Variants in PLEKHG1 observed in about 807,000 individuals in gnomAD.
PLEKHG1 encodes pleckstrin homology and RhoGEF domain containing G1, also known as pleckstrin homology domain-containing family G member 1.
A neutral mutation model predicts 100.8 loss-of-function variants in PLEKHG1; 44 were observed. That is an observed-to-expected ratio of 0.44 (90% CI 0.34 to 0.56). PLEKHG1 has a LOEUF of 0.56. Ranked by LOEUF, PLEKHG1 falls within the 20% of genes least tolerant of loss-of-function variation. The pLI is 0.01. For missense variants in PLEKHG1, 1,545 were observed against 1,720.9 expected (o/e 0.90, Z 1.81); for synonymous variants, 640 against 662.5 (o/e 0.97, Z 0.52).
chr6:150,740,389 C>G (rs1194812661), intron 2 of PLEKHG1, among the ~76,000 whole-genome samples: 2 of 152,174 alleles, frequency 1.3e-5, no homozygotes, highest in African/African-American at 2.4e-5. Context: ...GCCTTACCTG[C>G]TTAGGATGCT....
chr6:150,721,284 G>A (rs1399863645), intron 1 of PLEKHG1: 12 of 513,066 alleles, frequency 2.3e-5, no homozygotes, highest in Admixed American at 6.4e-5. Context: ...GAGGTCCACC[G>A]AGGTGAGAAG....
At chr6:150,670,326 T>C (rs147691650) in intron 3 of PLEKHG1, among the ~76,000 whole-genome samples, 162 of 152,374 alleles carry the variant, frequency 1.1e-3, no homozygotes, top group African/African-American at 3.8e-3. Flanking sequence ...ATATGTTCTA[T>C]TTTGTTCATA....
In PLEKHG1 at chr6:150,600,207, G is replaced by T. The variant is rs111711264; in HGVS notation, c.-204+190G>T. Among the ~76,000 whole-genome samples the T allele has an allele frequency of 1.3e-5, 2 of 151,220 alleles. No individual in the cohort carries two copies. Among genetic ancestry groups the T allele is most frequent in the South Asian group, 4.2e-4 (2 of 4,798 alleles). On this transcript the variant is annotated intron_variant, in intron 1 of 3. Transcript: ENST00000367326. This position sits in a 1 kb window ranked among gnomAD's most constrained non-coding sequence, Gnocchi z 6.2. ...GCCTTGGGGGGCGCCGAGCGGTGGG[G>T]ACAGAGGGCGCCGGGGGCACCGCGC... is the stretch of plus-strand genomic sequence containing the variant.
Position 150,733,565 on chromosome 6 carries a change from TTTTC to T in PLEKHG1, c.-98-15_-98-12del, listed in dbSNP as rs1209653002. On this transcript the variant is annotated splice_polypyrimidine_tract_variant and intron_variant, in intron 1 of 15. Transcript: ENST00000358517. ...AGAATTGCTTATCTTGTCCTTTTTA[TTTTC>T]TTTAATGCATATAGATGGGCACCAG... 1 of 1,571,308 alleles carries T rather than the reference TTTTC, an allele frequency of 6.4e-7. No homozygotes were observed. Among genetic ancestry groups the T allele is most frequent in the Non-Finnish European group, 8.6e-7 (1 of 1,159,902 alleles).
intron 3 of PLEKHG1, among the ~76,000 whole-genome samples, chr6:150,702,195 G>A (rs1479550815): frequency 6.6e-6 from 1 of 152,224 alleles, no homozygotes; most frequent in African/African-American, 2.4e-5. Context: ...TTGTAGGCTG[G>A]GCGCAGTGGC....
chr6:150,833,112 G>A (rs1777044530), intron 15 of PLEKHG1, among the ~76,000 whole-genome samples: 1 of 149,666 alleles, frequency 6.7e-6, no homozygotes, highest in South Asian at 2.1e-4. Context: ...GCATGAACAT[G>A]GCTTACTGCA....
chr6:150,797,194 CTT>C (rs1213918031), intron 5 of PLEKHG1, among the ~76,000 whole-genome samples: 1 of 152,098 alleles, frequency 6.6e-6, no homozygotes, highest in Non-Finnish European at 1.5e-5. Context: ...GCTAGGGAGA[CTT>C]TACACACTCT....
exon 15 of PLEKHG1, chr6:150,830,654 A>G: frequency 6.2e-7 from 1 of 1,613,882 alleles, no homozygotes; most frequent in Non-Finnish European, 8.5e-7. Context: ...TAGTCAGCCT[A>G]GCAGTTCTAC....
chr6:150,628,577 C>CACACACA (rs3046186), intron 1 of PLEKHG1, among the ~76,000 whole-genome samples: 54 of 147,390 alleles, frequency 3.7e-4, no homozygotes, highest in South Asian at 2.4e-3. Context: ...CACACACACA[C>CACACACA]CCCGTCCTTG....
intron 15 of PLEKHG1, among the ~76,000 whole-genome samples, chr6:150,834,488 G>C (rs12663838): frequency 0.033 from 5,032 of 152,294 alleles, 94 homozygotes; most frequent in South Asian, 0.056. Flanking sequence ...CCCTGGGCCA[G>C]GTTGTTTTGA....
At chr6:150,701,417 T>TTATATATA (rs56982419) in intron 3 of PLEKHG1, among the ~76,000 whole-genome samples, 365 of 31,044 alleles carry the variant, frequency 0.012, 41 homozygotes, top group Non-Finnish European at 0.015. Context: ...CAGTAATTCT[T>TTATATATA]TATATATATA....
chr6:150,780,350 A>G (rs1053557418), intron 3 of PLEKHG1, among the ~76,000 whole-genome samples: 6 of 151,936 alleles, frequency 3.9e-5, no homozygotes, highest in South Asian at 2.1e-4. Context: ...TCCTGACCTC[A>G]TGATCTGCCC....
intron 1 of PLEKHG1, among the ~76,000 whole-genome samples, chr6:150,610,732 GT>G (rs1289163435): frequency 6.6e-5 from 10 of 152,166 alleles, no homozygotes; most frequent in Non-Finnish European, 1.3e-4. Context: ...AATTGTTTTT[GT>G]TTGAATGATT....
At chr6:150,803,731 A>C (rs1334385644) in intron 6 of PLEKHG1, among the ~76,000 whole-genome samples, 5 of 152,222 alleles carry the variant, frequency 3.3e-5, no homozygotes, top group African/African-American at 1.2e-4. Context: ...AAAATGTGCT[A>C]AAATGTCTAC....
intron 4 of PLEKHG1, among the ~76,000 whole-genome samples, chr6:150,793,682 A>G (rs956357880): frequency 2.0e-5 from 3 of 152,192 alleles, no homozygotes; most frequent in East Asian, 1.9e-4. Context: ...TTGTACTTCC[A>G]TTAGAGGAAG....
chr6:150,834,215 A>C lies in PLEKHG1; in HGVS notation c.3094+2010A>C, dbSNP rs145044384. Among the ~76,000 whole-genome samples the C allele has an allele frequency of 5.5e-3, 831 of 152,302 alleles. 13 individuals are homozygous for C. Among genetic ancestry groups the C allele is most frequent in the African/African-American group, 0.018 (763 of 41,554 alleles). On this transcript the variant is annotated intron_variant, in intron 15 of 15. Transcript: ENST00000358517. ...ATTTTTCTCCTTGCCATGATGCACT[A>C]TGAGTAATTCAAGTCCCTATTCTGA...
intron 3 of PLEKHG1, among the ~76,000 whole-genome samples, chr6:150,700,990 T>C (rs148112966): frequency 1.3e-5 from 2 of 151,428 alleles, no homozygotes; most frequent in East Asian, 3.9e-4. Context: ...TGTTCTTAAA[T>C]ACTTGCTAAA....
At chr6:150,622,194 T>C (rs1203846579) in intron 1 of PLEKHG1, among the ~76,000 whole-genome samples, 2 of 152,184 alleles carry the variant, frequency 1.3e-5, no homozygotes, top group African/African-American at 4.8e-5. Flanking sequence ...GTTAAGTGAA[T>C]GAATCTCAAT....
rs570303889 is a variant in PLEKHG1 at position 150,702,886 on chromosome 6, C to T, written c.-98-30698C>T. ...CCACTCTGTAGCTGATGACCTGCTGCGTTCATTCCTTACGAGGAAGCAGCC... is the reference window on the plus strand; with the variant it reads ...CCACTCTGTAGCTGATGACCTGCTGTGTTCATTCCTTACGAGGAAGCAGCC... On this transcript the variant is annotated intron_variant, in intron 3 of 3. Transcript: ENST00000367326. Among the ~76,000 whole-genome samples, 138 of 152,236 alleles carry T rather than the reference C, an allele frequency of 9.1e-4. 1 individual carries two copies. Among genetic ancestry groups the T allele is most frequent in the Admixed American group, 2.0e-3 (31 of 15,294 alleles).
Sources: allele counts gnomAD v4.1 joint callset (sites outside exome capture counted in the v4.1 genomes callset), GRCh38; gene constraint gnomAD v4.1.1; non-coding constraint Gnocchi (gnomAD v3.1); transcripts MANE v1.5; gene names NCBI Gene and HGNC (gene_info 2026-07-23, HGNC 2026-07-21).